The following GABPB2 variants were observed in gnomAD, a reference collection of about 807,000 sequenced individuals.
GABPB2 encodes GA-binding protein subunit beta-2.
Under a neutral mutation model 39.1 loss-of-function variants are expected in GABPB2, and 23 were observed. That is an observed-to-expected ratio of 0.59 (90% CI 0.42 to 0.83). The LOEUF (loss-of-function observed/expected upper bound fraction) is 0.83. GABPB2 is among the 40% of genes least tolerant of loss of function. GABPB2 has a pLI of 0.00. For missense variants in GABPB2, 467 were observed against 541.1 expected (o/e 0.86, Z 1.36); for synonymous variants, 184 against 199.3 (o/e 0.92, Z 0.65).
intron 1 of GABPB2, among the ~76,000 whole-genome samples, chr1:151,080,581 C>T (rs918779701): frequency 2.0e-5 from 3 of 150,880 alleles, no homozygotes; most frequent in Non-Finnish European, 3.0e-5. Context: ...GGTACAGTGG[C>T]TCACGCCTGT....
chr1:151,074,509 C>CG (rs1677003041), intron 1 of GABPB2, among the ~76,000 whole-genome samples: 1 of 145,468 alleles, frequency 6.9e-6, no homozygotes, highest in Admixed American at 7.1e-5. Flanking sequence ...TTAGTAGAGA[C>CG]GGGGTTTCAC....
chr1:151,076,763 A>G (rs1677200060), intron 1 of GABPB2, among the ~76,000 whole-genome samples: 1 of 150,974 alleles, frequency 6.6e-6, no homozygotes. Flanking sequence ...AAATCATGGT[A>G]AAATAGATTG....
Position 151,097,952 on chromosome 1 carries a change from T to C in GABPB2, c.572T>C (p.Val191Ala), listed in dbSNP as rs1009413152. ...CCATTCATCTTCACGTCGGGTGAGGTTGTTAACCTCGCAAGCCTTATTTCT... is the reference window on the plus strand; with the variant it reads ...CCATTCATCTTCACGTCGGGTGAGGCTGTTAACCTCGCAAGCCTTATTTCT... ...AAPFIFTSGE[V>A]VNLASLISST... The change falls in exon 5 of 9, where the codon GTT (valine) becomes GCT (alanine). Residue 191 changes from valine (V) to alanine (A), a missense_variant. Val to Ala is a moderately conservative substitution (Grantham distance 64). Transcript: ENST00000368918. 1 of 1,613,888 alleles carries C rather than the reference T, an allele frequency of 6.2e-7. No homozygotes were observed. The highest frequency in any genetic ancestry group is 8.5e-7 in the Non-Finnish European group (1 of 1,179,930).
chr1:151,101,943 A>G (rs935888811), intron 5 of GABPB2, among the ~76,000 whole-genome samples: 3 of 152,236 alleles, frequency 2.0e-5, no homozygotes, highest in African/African-American at 7.2e-5. Context: ...CTGTTGCCAG[A>G]TCTAGTGCGC....
intron 4 of GABPB2, among the ~76,000 whole-genome samples, chr1:151,094,240 CAG>C (rs1678934786): frequency 6.6e-6 from 1 of 151,812 alleles, no homozygotes; most frequent in Admixed American, 6.6e-5. Context: ...TTAGTAGAGA[CAG>C]GGTTTCGCCA....
rs1317775671 is a variant in GABPB2, at chr1:151,122,455, C to T, written c.*4199C>T. The stretch of plus-strand genomic sequence containing the variant: ...CAAGAAGCTGTTATGTGTGGGATTT[C>T]GGAGCCTTACTTTAACGATAGAGGA... On this transcript the variant is annotated 3_prime_UTR_variant, in exon 9 of 9. Coordinates refer to ENST00000368918, the MANE Select transcript of GABPB2 (RefSeq NM_144618.3). The T allele has an allele frequency of 1.3e-5, 2 of 151,836 alleles. No individual in the cohort carries two copies. The highest frequency in any genetic ancestry group is 2.4e-5 in the African/African-American group (1 of 41,350). 9.4% of individuals were successfully genotyped at this position (151,836 alleles called of 1,614,324 possible). A position where few individuals can be genotyped will look rare whatever the true frequency, so the allele number is the denominator to read the frequency against.
chr1:151,081,594 T>C (rs1392109153), intron 1 of GABPB2, among the ~76,000 whole-genome samples: 1 of 152,106 alleles, frequency 6.6e-6, no homozygotes, highest in Non-Finnish European at 1.5e-5. Context: ...TCAACTCTCT[T>C]TAACTTCTGG....
chr1:151,103,809 C>T, intron 6 of GABPB2, 134 bp downstream of exon 6: 1 of 602,048 alleles, frequency 1.7e-6, no homozygotes, highest in East Asian at 2.9e-5. Flanking sequence ...AGGGATGTGG[C>T]ATCATTGAAC....
At position 151,122,058 on chromosome 1, in the gene GABPB2, TGCAGTGTTACAGAGGA is replaced by T. The variant is rs1256938101; in HGVS notation, c.*3807_*3822del. 1 of 152,242 alleles carries T rather than the reference TGCAGTGTTACAGAGGA, an allele frequency of 6.6e-6. No individual in the cohort carries two copies. The highest frequency in any genetic ancestry group is 1.5e-5 in the Non-Finnish European group (1 of 68,030). 9.4% of individuals were successfully genotyped at this position (152,242 alleles called of 1,614,324 possible). ...TACCTTGATTAGTGAAGTAATTTGC[TGCAGTGTTACAGAGGA>T]GCAGAATCACTTGGGTCTCAAAATA... On this transcript the variant is annotated 3_prime_UTR_variant, in exon 9 of 9. Transcript: ENST00000368918.
Position 151,100,299 on chromosome 1 carries a change from C to T in GABPB2, c.622+2297C>T, listed in dbSNP as rs1039087729. Among the ~76,000 whole-genome samples the T allele has an allele frequency of 1.3e-5, 2 of 152,064 alleles. 1 individual carries two copies. Among genetic ancestry groups the T allele is most frequent in the Admixed American group, 1.3e-4 (2 of 15,248 alleles). ...AGCTGGGATTACAGGCGCCTGCCAC[C>T]ATGCCTGGCTAATTTTTGTATCTTT... On this transcript the variant is annotated intron_variant, in intron 5 of 8. Coordinates refer to ENST00000368918, the MANE Select transcript of GABPB2 (RefSeq NM_144618.3).
At chr1:151,116,171 CACG>C (rs1216517604) in intron 7 of GABPB2, among the ~76,000 whole-genome samples, 1 of 151,986 alleles carries the variant, frequency 6.6e-6, no homozygotes, top group South Asian at 2.1e-4. Context: ...GCAGGTGGAT[CACG>C]TGAGGTCGGG....
At chr1:151,077,356 G>GTTTTT (rs35650542) in intron 1 of GABPB2, among the ~76,000 whole-genome samples, 11 of 110,624 alleles carry the variant, frequency 9.9e-5, no homozygotes, top group Non-Finnish European at 1.4e-4. Context: ...CAACTCATAG[G>GTTTTT]TTTTTTTTTT....
Position 151,097,785 on chromosome 1 carries a change from AAAAAAG to A in GABPB2, c.472-63_472-58del. The stretch of plus-strand genomic sequence containing the variant: ...CAGAGTGAGACTGTCTCAAAAAAAA[AAAAAAG>A]AAAGACAGAAAAGAAAAGCTAATAA... On this transcript the variant is annotated intron_variant, in intron 4 of 8. Coordinates refer to ENST00000368918, the MANE Select transcript of GABPB2 (RefSeq NM_144618.3). 4.6e-6 allele frequency: 7 copies of A among 1,528,436 alleles called. No homozygotes were observed. The South Asian group carries it at 4.8e-5, about 10-fold the overall frequency. The allele number at this position is 1,528,436 out of a possible 1,614,324, so 94.7% of individuals were successfully genotyped here.
At position 151,079,316 on chromosome 1, in the gene GABPB2, G is replaced by A. The variant is rs587662164; in HGVS notation, c.-1+8382G>A. ...AGCACTTTGGGAGGCTGAGGCTGGC[G>A]GGTTACTTGAGGTCAGGGGTTCAAG... is the stretch of plus-strand genomic sequence containing the variant. On this transcript the variant is annotated intron_variant, in intron 1 of 8. Coordinates refer to ENST00000368918, the MANE Select transcript of GABPB2 (RefSeq NM_144618.3). Among the ~76,000 whole-genome samples the A allele has an allele frequency of 6.0e-5, 9 of 148,918 alleles. No homozygotes were observed. In the South Asian group the frequency reaches 1.5e-3, roughly 25 times the overall value.
chr1:151,074,627 T>G (rs1419951889), intron 1 of GABPB2, among the ~76,000 whole-genome samples: 1 of 151,922 alleles, frequency 6.6e-6, no homozygotes, highest in Non-Finnish European at 1.5e-5. Flanking sequence ...CAGCCTCCTC[T>G]TTTTAGACCA....
chr1:151,071,554 C>T (rs1371292068), intron 1 of GABPB2, among the ~76,000 whole-genome samples: 1 of 150,464 alleles, frequency 6.6e-6, no homozygotes, highest in Non-Finnish European at 1.5e-5. Context: ...ACTGCAACCT[C>T]CGCTTCCCGG....
intron 7 of GABPB2, chr1:151,112,006 C>G (rs376107967): frequency 1.0e-4 from 15 of 148,298 alleles, no homozygotes; most frequent in African/African-American, 3.7e-4. Flanking sequence ...GGGCGGATCA[C>G]GAGGTCAGGA....
chr1:151,092,668 G>A (rs1017543352), intron 3 of GABPB2, among the ~76,000 whole-genome samples: 17 of 150,548 alleles, frequency 1.1e-4, no homozygotes, highest in African/African-American at 3.9e-4. Context: ...CCACCTCCCA[G>A]GCTCAAGAGA....
chr1:151,098,034 G>A (rs1254269124), intron 5 of GABPB2, 32 bp downstream of exon 5: 1 of 1,602,626 alleles, frequency 6.2e-7, no homozygotes, highest in African/African-American at 1.3e-5. Context: ...ATTTATTTTA[G>A]ACTCAAAAAA....
Sources: gnomAD v4.1 joint callset for allele counts (sites outside exome capture counted in the v4.1 genomes callset) on GRCh38, gnomAD v4.1.1 for gene constraint, MANE v1.5 for transcripts, NCBI Gene and HGNC (gene_info 2026-07-23, HGNC 2026-07-21) for gene names.